Variants in DGLUCY observed in about 807,000 individuals in gnomAD.
DGLUCY encodes D-glutamate cyclase.
Under a neutral mutation model 58.5 loss-of-function variants are expected in DGLUCY, and 58 were observed. That is an observed-to-expected ratio of 0.99 (90% CI 0.80 to 1.23). The LOEUF (loss-of-function observed/expected upper bound fraction) is 1.23, where lower values mean the gene tolerates loss of function less well. Among genes scored for constraint, DGLUCY ranks in the 50% most tolerant of loss-of-function variants. DGLUCY has a pLI of 0.00. For missense variants in DGLUCY, 779 were observed against 784.7 expected (o/e 0.99, Z 0.09); for synonymous variants, 325 against 314.1 (o/e 1.03, Z -0.37).
chr14:91,143,908 G>A (rs899555238), intron 1 of DGLUCY, among the ~76,000 whole-genome samples: 1 of 152,126 alleles, frequency 6.6e-6, no homozygotes, highest in Non-Finnish European at 1.5e-5. Context: ...GATCATCCAC[G>A]TAATAAGTAG....
At chr14:91,077,920 T>C (rs1209481932) in intron 1 of DGLUCY, among the ~76,000 whole-genome samples, 1 of 148,598 alleles carries the variant, frequency 6.7e-6, no homozygotes. Context: ...ATTAACTAAC[T>C]GAAATAATTT....
At chr14:91,218,326 T>A (rs1251506465) in intron 13 of DGLUCY, among the ~76,000 whole-genome samples, 4 of 152,018 alleles carry the variant, frequency 2.6e-5, no homozygotes, top group African/African-American at 9.7e-5. Flanking sequence ...AGATGGAAGC[T>A]TTTCCTTCTG....
chr14:91,076,889 C>T (rs1245267467), intron 1 of DGLUCY, among the ~76,000 whole-genome samples: 1 of 152,052 alleles, frequency 6.6e-6, no homozygotes, highest in Non-Finnish European at 1.5e-5. Flanking sequence ...CACGACTCCA[C>T]AGGAATGGGA....
chr14:91,179,115 G>GAT (rs2049018096), intron 7 of DGLUCY, among the ~76,000 whole-genome samples: 2 of 152,166 alleles, frequency 1.3e-5, no homozygotes, highest in Admixed American at 1.3e-4. Flanking sequence ...TATGCGCAAG[G>GAT]CCCTCTGTGG....
In DGLUCY at chr14:91,173,598, G is replaced by T. The variant is rs369528317; in HGVS notation, c.607+159G>T. On this transcript the variant is annotated intron_variant, in intron 6 of 13. Coordinates refer to ENST00000256324, the MANE Select transcript of DGLUCY (RefSeq NM_001102368.3). ...TCCTGACAGCCTCTCTTGGAGTTGG[G>T]CCTAAGAAGCAGACAGGAGTTTGCC... 5 of 1,057,614 alleles carry T rather than the reference G, an allele frequency of 4.7e-6. No individual in the cohort carries two copies. The African/African-American group carries it at 8.1e-5, about 17-fold the overall frequency. 65.5% of individuals were successfully genotyped at this position (1,057,614 alleles called of 1,614,324 possible).
chr14:91,215,686 C>T (rs1886411687), intron 13 of DGLUCY, 130 bp downstream of exon 13: 3 of 1,573,426 alleles, frequency 1.9e-6, no homozygotes, highest in South Asian at 1.1e-5. Flanking sequence ...GCAGAGCCAG[C>T]CTTGAAGCAG....
chr14:91,164,914 C>T (rs1415255017), intron 3 of DGLUCY, among the ~76,000 whole-genome samples: 8 of 152,206 alleles, frequency 5.3e-5, no homozygotes, highest in African/African-American at 1.9e-4. Flanking sequence ...AGGCCTGTGT[C>T]CTTCCCTGCA....
At chr14:91,221,161 G>A (rs184801313) in intron 13 of DGLUCY, among the ~76,000 whole-genome samples, 1 of 152,330 alleles carries the variant, frequency 6.6e-6, no homozygotes, top group East Asian at 1.9e-4. Flanking sequence ...TGACATGGAT[G>A]TGGAATATGC....
rs760150309 is a variant in DGLUCY at position 91,204,750 on chromosome 14, G to C, written c.1489G>C (p.Glu497Gln). 1 of 1,614,134 alleles carries C rather than the reference G, an allele frequency of 6.2e-7. No individual in the cohort carries two copies. Among genetic ancestry groups the C allele is most frequent in the East Asian group, 2.2e-5 (1 of 44,880 alleles). ...GNELGMGKVK[E>Q]AVRRHIRHGD... ...CGAGCTTGGGATGGGTAAAGTCAAG[G>C]AGGCTGTGAGGAGGCACATACGGCA... is the stretch of plus-strand genomic sequence containing the variant. The change falls in exon 12 of 14, where the codon GAG (glutamate) becomes CAG (glutamine). Residue 497 changes from glutamate to glutamine, a missense_variant. Glu to Gln is a conservative substitution (Grantham distance 29, BLOSUM62 2). Transcript: ENST00000256324.
chr14:91,218,239 T>C (rs1886885815), intron 13 of DGLUCY, among the ~76,000 whole-genome samples: 1 of 152,196 alleles, frequency 6.6e-6, no homozygotes, highest in Non-Finnish European at 1.5e-5. Flanking sequence ...ATGCAAGGGC[T>C]GCTTCACACA....
Position 91,163,201 on chromosome 14 carries a change from A to G in DGLUCY, c.103+2804A>G, listed in dbSNP as rs565812190. ...CTTGAACCCTGGAGGTGGAGCTTGCAGTGAGCCAAGATTGCGCCACTGCAC... is the reference window on the plus strand; with the variant it reads ...CTTGAACCCTGGAGGTGGAGCTTGCGGTGAGCCAAGATTGCGCCACTGCAC... On this transcript the variant is annotated intron_variant, in intron 3 of 13. Coordinates refer to ENST00000256324, the MANE Select transcript of DGLUCY (RefSeq NM_001102368.3). Among the ~76,000 whole-genome samples the G allele has an allele frequency of 1.1e-4, 17 of 152,116 alleles. No homozygotes were observed. The East Asian group carries it at 3.3e-3, about 29-fold the overall frequency.
At chr14:91,188,133 G>A (rs1053666705) in intron 8 of DGLUCY, among the ~76,000 whole-genome samples, 1 of 152,140 alleles carries the variant, frequency 6.6e-6, no homozygotes, top group African/African-American at 2.4e-5. Flanking sequence ...TGAGTGTCCT[G>A]GGTCAGCAGA....
At chr14:91,153,620 G>C (rs529232855) in intron 1 of DGLUCY, among the ~76,000 whole-genome samples, 1 of 152,300 alleles carries the variant, frequency 6.6e-6, no homozygotes, top group African/African-American at 2.4e-5. Flanking sequence ...CCTTGGGTGT[G>C]AGCCTGCTTG....
At chr14:91,193,121 A>G (rs1005565542) in intron 9 of DGLUCY, among the ~76,000 whole-genome samples, 29 of 152,052 alleles carry the variant, frequency 1.9e-4, no homozygotes, top group Admixed American at 6.6e-5. Flanking sequence ...GAGGATGAGG[A>G]GAAGGGCAGA....
intron 9 of DGLUCY, among the ~76,000 whole-genome samples, chr14:91,190,344 G>A (rs1052920218): frequency 6.6e-6 from 1 of 152,164 alleles, no homozygotes; most frequent in Admixed American, 6.5e-5. Context: ...CTGCCCCCAC[G>A]GAGAGTATCT....
intron 1 of DGLUCY, among the ~76,000 whole-genome samples, chr14:91,120,203 C>T (rs768073609): frequency 6.6e-6 from 1 of 152,106 alleles, no homozygotes; most frequent in Non-Finnish European, 1.5e-5. Flanking sequence ...TCGCAGCTCT[C>T]CCTCCTCCGG....
intron 12 of DGLUCY, among the ~76,000 whole-genome samples, chr14:91,212,216 G>A (rs748225815): frequency 1.9e-4 from 29 of 152,204 alleles, no homozygotes; most frequent in Non-Finnish European, 4.0e-4. Context: ...AATGTTAAGA[G>A]AAGGAGAAGG....
intron 11 of DGLUCY, among the ~76,000 whole-genome samples, 196 bp from the exon 12 acceptor site, chr14:91,204,510 G>T (rs57257861): frequency 6.6e-6 from 1 of 152,140 alleles, no homozygotes; most frequent in Non-Finnish European, 1.5e-5. Flanking sequence ...TGTTCCAAAC[G>T]TGGACTCATT....
chr14:91,079,007 G>C (rs1297809809), intron 1 of DGLUCY, among the ~76,000 whole-genome samples: 2 of 151,476 alleles, frequency 1.3e-5, no homozygotes, highest in Non-Finnish European at 2.9e-5. Context: ...GGATTCAAGC[G>C]ATTCTCCTGC....
Sources: gnomAD v4.1 joint callset for allele counts (sites outside exome capture counted in the v4.1 genomes callset) on GRCh38, gnomAD v4.1.1 for gene constraint, MANE v1.5 for transcripts, NCBI Gene and HGNC (gene_info 2026-07-23, HGNC 2026-07-21) for gene names.